Variants in GPR153 observed in about 807,000 individuals in gnomAD.
GPR153 encodes the protein G protein-coupled receptor 153.
GPR153 carries 27 observed loss-of-function variants against 34.1 expected under a neutral mutation model. The ratio of observed to expected loss-of-function variants is 0.79; its 90% confidence interval spans 0.58 to 1.09. The LOEUF (loss-of-function observed/expected upper bound fraction) is 1.09. Among genes scored for constraint, GPR153 ranks in the 50% least tolerant of loss-of-function variants. The pLI is 0.00. For missense variants in GPR153, 848 were observed against 860.2 expected (o/e 0.99, Z 0.18); for synonymous variants, 408 against 405.4 (o/e 1.01, Z -0.08).
At chr1:6,260,347 C>T (rs1188524489) in intron 1 of GPR153, among the ~76,000 whole-genome samples, 8 of 146,240 alleles carry the variant, frequency 5.5e-5, no homozygotes, top group Non-Finnish European at 1.1e-4. Context: ...AGCCCCCGCC[C>T]CTACAGTCCC....
rs376742127 is a variant in GPR153, at chr1:6,251,547, C to T, written c.787-17G>A. The T allele has an allele frequency of 1.1e-4, 171 of 1,563,758 alleles. No individual in the cohort carries two copies. The highest frequency in any genetic ancestry group is 2.1e-4 in the Middle Eastern group (1 of 4,800). On this transcript the variant is annotated splice_polypyrimidine_tract_variant and intron_variant, in intron 3 of 5. Coordinates refer to ENST00000377893, the MANE Select transcript of GPR153 (RefSeq NM_207370.4). The surrounding 1 kb of genome is among the most constrained non-coding windows in gnomAD (Gnocchi z 4.9). Reference sequence around the variant, plus strand: ...GCTCACCACCTGTGGGCACAGGGCTCGGCCTGGCACCTGCAGGACCCCCCA... The same window carrying T: ...GCTCACCACCTGTGGGCACAGGGCTTGGCCTGGCACCTGCAGGACCCCCCA...
chr1:6,249,785 C>T lies in GPR153; in HGVS notation c.1383G>A (p.Leu461=), dbSNP rs1638396223. 1.1e-5 allele frequency: 13 copies of T among 1,168,900 alleles called. No individual in the cohort carries two copies. Among genetic ancestry groups the T allele is most frequent in the Non-Finnish European group, 1.4e-5 (13 of 948,982 alleles). 72.4% of individuals were successfully genotyped at this position (1,168,900 alleles called of 1,614,324 possible). ...TATCCAGGGCCGAGGGCCGCAGCGACAGCAGGCTCTCGGCCGAGCGGCGGC... is the reference window on the plus strand; with the variant it reads ...TATCCAGGGCCGAGGGCCGCAGCGATAGCAGGCTCTCGGCCGAGCGGCGGC... ...RARRRSAESL[L]SLRPSALDSG... Residue 461 remains leucine, a synonymous_variant, in exon 6 of 6, where the codon CTG becomes CTA. Coordinates refer to ENST00000377893, the MANE Select transcript of GPR153 (RefSeq NM_207370.4). The surrounding 1 kb of genome is among the most constrained non-coding windows in gnomAD (Gnocchi z 4.3).
chr1:6,253,666 AG>A, intron 3 of GPR153, 51 bp downstream of exon 3: 1 of 1,460,616 alleles, frequency 6.8e-7, no homozygotes, highest in Non-Finnish European at 9.2e-7. Context: ...GAGTATGAGC[AG>A]CCCCAGGGCT....
At chr1:6,252,363 G>A (rs184352460) in intron 3 of GPR153, among the ~76,000 whole-genome samples, 2 of 152,090 alleles carry the variant, frequency 1.3e-5, no homozygotes, top group African/African-American at 2.4e-5. Flanking sequence ...TTCCCCGTCC[G>A]TAAGAGACGC....
rs548260316 is a variant in GPR153 at position 6,249,261 on chromosome 1, G to T, written c.*77C>A. 2.8e-6 allele frequency: 3 copies of T among 1,081,398 alleles called. No homozygotes were observed. Among genetic ancestry groups the T allele is most frequent in the Admixed American group, 4.3e-5 (1 of 23,076 alleles). The allele number at this position is 1,081,398 out of a possible 1,614,324, so 67.0% of individuals were successfully genotyped here. ...GTGGCGCATGTCTGCGCGCGGGGCG[G>T]AGGCGGGCGTCTTTGGTGCTGCGGC... On this transcript the variant is annotated 3_prime_UTR_variant, in exon 6 of 6. Transcript: ENST00000377893. This position sits in a 1 kb window ranked among gnomAD's most constrained non-coding sequence, Gnocchi z 4.3.
intron 4 of GPR153, 73 bp from the exon 5 acceptor site, chr1:6,250,697 C>A (rs1638429188): frequency 1.3e-6 from 1 of 745,948 alleles, no homozygotes; most frequent in African/African-American, 1.8e-5. Flanking sequence ...GGGAGGGAAT[C>A]CCAGGGATCC....
In GPR153 at chr1:6,249,198, C is replaced by CA. The variant is rs1638372129; in HGVS notation, c.*139dup. 4.9e-6 allele frequency: 3 copies of CA among 608,464 alleles called. No homozygotes were observed. The highest frequency in any genetic ancestry group is 4.5e-5 in the Admixed American group (1 of 22,436). The allele number at this position is 608,464 out of a possible 1,614,324, so 37.7% of individuals were successfully genotyped here. On this transcript the variant is annotated 3_prime_UTR_variant, in exon 6 of 6. Transcript: ENST00000377893. The surrounding 1 kb of genome is among the most constrained non-coding windows in gnomAD (Gnocchi z 4.3). ...AGGCCAGCTGGGAGGAGCCGGAAGA[C>CA]AAACGCTGAGGCCAACGCCCCCTCA...
In GPR153 at chr1:6,247,453, G is replaced by A. The variant is rs149334107; in HGVS notation, c.*1885C>T. 1 of 152,192 alleles carries A rather than the reference G, an allele frequency of 6.6e-6. No homozygotes were observed. The highest frequency in any genetic ancestry group is 1.9e-4 in the East Asian group (1 of 5,192). 9.4% of individuals were successfully genotyped at this position (152,192 alleles called of 1,614,324 possible). ...TCCCTGGCTCTGGGTGTGCTATGAAGACAACTCCCTCCCCAGTGAGCCCAG... is the reference window on the plus strand; with the variant it reads ...TCCCTGGCTCTGGGTGTGCTATGAAAACAACTCCCTCCCCAGTGAGCCCAG... On this transcript the variant is annotated 3_prime_UTR_variant, in exon 6 of 6. Transcript: ENST00000377893.
chr1:6,250,711 T>C (rs889472106), intron 4 of GPR153, 87 bp from the exon 5 acceptor site: 6 of 693,346 alleles, frequency 8.7e-6, no homozygotes, highest in South Asian at 5.4e-5. Flanking sequence ...GGGATCCCCC[T>C]GAGATCCCCC....
In GPR153 at chr1:6,249,587, GGCGGGCGCA is replaced by G. The variant is rs1638388724; in HGVS notation, c.1572_1580del (p.Ala527_Pro529del). ...CTCCGGGATCTGCGCCGTCGGGGGCGGCGGGCGCAGCGGGGAAGGGCCCGGGCGGGCGGC... is the reference window on the plus strand; with the variant it reads ...CTCCGGGATCTGCGCCGTCGGGGGCGGCGGGGAAGGGCCCGGGCGGGCGGC... On this transcript the variant is annotated inframe_deletion, in exon 6 of 6. Transcript: ENST00000377893. This position sits in a 1 kb window ranked among gnomAD's most constrained non-coding sequence, Gnocchi z 4.3. 3.4e-6 allele frequency: 4 copies of G among 1,165,278 alleles called. No individual in the cohort carries two copies. The allele number at this position is 1,165,278 out of a possible 1,614,324, so 72.2% of individuals were successfully genotyped here.
chr1:6,259,777 G>A (rs1435052702), intron 1 of GPR153, among the ~76,000 whole-genome samples: 2 of 152,142 alleles, frequency 1.3e-5, no homozygotes, highest in Non-Finnish European at 2.9e-5. Context: ...CTCTGGCTCT[G>A]GGTCAGTGAC....
Position 6,253,775 on chromosome 1 carries a change from C to CTG in GPR153, c.728_729insCA (p.Gly244ArgfsTer4). 6.5e-7 allele frequency: 1 copy of CTG among 1,550,348 alleles called. No individual in the cohort carries two copies. The highest frequency in any genetic ancestry group is 1.4e-5 in the African/African-American group (1 of 73,300). ...TGAAGACTATGGTGGTCACGAGGCC[C>CTG]GTGGTCTGCAGAGAGGTTTTGGCGG... On this transcript the variant is annotated frameshift_variant, in exon 3 of 6. Transcript: ENST00000377893. LOFTEE classifies it high-confidence loss of function.
chr1:6,255,205 T>C (rs1467697726), intron 1 of GPR153, among the ~76,000 whole-genome samples, 191 bp from the exon 2 acceptor site: 1 of 151,982 alleles, frequency 6.6e-6, no homozygotes, highest in East Asian at 1.9e-4. Context: ...AAGACTATTT[T>C]TTTTTTTTTT....
rs966370808 is a variant in GPR153 at position 6,247,376 on chromosome 1, T to C, written c.*1962A>G. Reference sequence around the variant, plus strand: ...GGTGCAAATCATAAGGAAGTTTTTATTGGGTCCTGTACAGAAGAGAAATGC... The same window carrying C: ...GGTGCAAATCATAAGGAAGTTTTTACTGGGTCCTGTACAGAAGAGAAATGC... On this transcript the variant is annotated 3_prime_UTR_variant, in exon 6 of 6. Coordinates refer to ENST00000377893, the MANE Select transcript of GPR153 (RefSeq NM_207370.4). 1 of 152,164 alleles carries C rather than the reference T, an allele frequency of 6.6e-6. No individual in the cohort carries two copies. Among genetic ancestry groups the C allele is most frequent in the Admixed American group, 6.5e-5 (1 of 15,270 alleles). The allele number at this position is 152,164 out of a possible 1,614,324, so 9.4% of individuals were successfully genotyped here.
At position 6,248,871 on chromosome 1, in the gene GPR153, C is replaced by CCA. The variant is rs983052699; in HGVS notation, c.*466_*467insTG. The CCA allele has an allele frequency of 6.5e-6, 1 of 153,942 alleles. No homozygotes were observed. The highest frequency in any genetic ancestry group is 6.5e-5 in the Admixed American group (1 of 15,318). The allele number at this position is 153,942 out of a possible 1,614,324, so 9.5% of individuals were successfully genotyped here. A position where few individuals can be genotyped will look rare whatever the true frequency, so the allele number is the denominator to read the frequency against. On this transcript the variant is annotated 3_prime_UTR_variant, in exon 6 of 6. Transcript: ENST00000377893. The stretch of plus-strand genomic sequence containing the variant: ...AGAGACCCTCTGTACCCTCCCCCCC[C>CCA]CCGAAGGGTGTGGCGGTTATGGTGC...
At position 6,260,861 on chromosome 1, in the gene GPR153, C is replaced by A. The variant is rs1283602521; in HGVS notation, c.-146G>T. On this transcript the variant is annotated 5_prime_UTR_variant, in exon 1 of 6. Transcript: ENST00000377893. The stretch of plus-strand genomic sequence containing the variant: ...GCGCCCGGGGCTCCGGCTCGCTGCT[C>A]CCGCCTCCGGCTCCGGCTGCGGTTC... 1 of 150,674 alleles carries A rather than the reference C, an allele frequency of 6.6e-6. No individual in the cohort carries two copies. The highest frequency in any genetic ancestry group is 1.5e-5 in the Non-Finnish European group (1 of 67,602). 9.3% of individuals were successfully genotyped at this position (150,674 alleles called of 1,614,324 possible).
In GPR153 at chr1:6,249,288, C is replaced by G. The variant is rs993447103; in HGVS notation, c.*50G>C. 2.5e-6 allele frequency: 3 copies of G among 1,215,798 alleles called. No individual in the cohort carries two copies. The highest frequency in any genetic ancestry group is 3.1e-6 in the Non-Finnish European group (3 of 969,838). The allele number at this position is 1,215,798 out of a possible 1,614,324, so 75.3% of individuals were successfully genotyped here. A position where few individuals can be genotyped will look rare whatever the true frequency, so the allele number is the denominator to read the frequency against. On this transcript the variant is annotated 3_prime_UTR_variant, in exon 6 of 6. Transcript: ENST00000377893. The surrounding 1 kb of genome is among the most constrained non-coding windows in gnomAD (Gnocchi z 4.3). ...GGCGGGCGTCTTTGGTGCTGCGGCC[C>G]CGGAGAGCGGCCTGGCCTGCCTGGC...
chr1:6,260,495 T>C (rs1487214610), intron 1 of GPR153, among the ~76,000 whole-genome samples: 1 of 147,238 alleles, frequency 6.8e-6, no homozygotes, highest in Non-Finnish European at 1.5e-5. Flanking sequence ...CTGGGAAACC[T>C]GGCGGGACTG....
Position 6,249,098 on chromosome 1 carries a change from C to G in GPR153, c.*240G>C. ...AAGCTTGGGATGTCACTCAGCTCCC[C>G]AGGCCCGACCTCACTCGGCCCGGGA... On this transcript the variant is annotated 3_prime_UTR_variant, in exon 6 of 6. Coordinates refer to ENST00000377893, the MANE Select transcript of GPR153 (RefSeq NM_207370.4). The surrounding 1 kb of genome is among the most constrained non-coding windows in gnomAD (Gnocchi z 4.3). The G allele has an allele frequency of 2.7e-6, 1 of 366,528 alleles. No individual in the cohort carries two copies. The highest frequency in any genetic ancestry group is 4.9e-6 in the Non-Finnish European group (1 of 206,090). 22.7% of individuals were successfully genotyped at this position (366,528 alleles called of 1,614,324 possible). A position where few individuals can be genotyped will look rare whatever the true frequency, so the allele number is the denominator to read the frequency against.
Sources: allele counts gnomAD v4.1 joint callset (sites outside exome capture counted in the v4.1 genomes callset), GRCh38; gene constraint gnomAD v4.1.1; non-coding constraint Gnocchi (gnomAD v3.1); transcripts MANE v1.5; gene names NCBI Gene and HGNC (gene_info 2026-07-23, HGNC 2026-07-21).